Variants in MNAT1 observed in about 807,000 individuals in gnomAD.
MNAT1 encodes the protein CDK-activating kinase assembly factor MAT1.
In MNAT1, 43 loss-of-function variants were observed where a neutral mutation model predicts 42.0. The ratio of observed to expected loss-of-function variants is 1.02; its 90% confidence interval spans 0.80 to 1.32. The LOEUF is 1.32. MNAT1 is among the 40% of genes most tolerant of loss of function. The pLI, the probability that MNAT1 is intolerant of heterozygous loss-of-function variation, is 0.00. For synonymous variants in MNAT1, 118 were observed against 120.0 expected, an observed-to-expected ratio of 0.98 and a Z score of 0.11; for missense variants, 306 against 350.4, an observed-to-expected ratio of 0.87 and a Z score of 1.01.
At position 60,961,087 on chromosome 14, in the gene MNAT1, C is replaced by T. The variant is rs1195423728; in HGVS notation, c.810-7142C>T. 2.6e-5 allele frequency among the ~76,000 whole-genome samples: 4 copies of T among 152,106 alleles called. 1 individual carries two copies. Among genetic ancestry groups the T allele is most frequent in the South Asian group, 4.1e-4 (2 of 4,828 alleles). On this transcript the variant is annotated intron_variant, in intron 7 of 7. Coordinates refer to ENST00000261245, the MANE Select transcript of MNAT1 (RefSeq NM_002431.4). Reference sequence around the variant, plus strand: ...AAGTGATTCTCCTGCCTCAGCCTCCCGAGTAGCTGAGATTACAGGCATGCG... The same window carrying T: ...AAGTGATTCTCCTGCCTCAGCCTCCTGAGTAGCTGAGATTACAGGCATGCG...
intron 7 of MNAT1, among the ~76,000 whole-genome samples, chr14:60,889,562 C>A (rs2034781004): frequency 6.6e-6 from 1 of 152,062 alleles, no homozygotes; most frequent in Non-Finnish European, 1.5e-5. Context: ...ATGTCTAAAA[C>A]ACCAAAAAAA....
At chr14:60,779,028 G>A (rs2031350971) in intron 1 of MNAT1, among the ~76,000 whole-genome samples, 1 of 152,174 alleles carries the variant, frequency 6.6e-6, no homozygotes, top group African/African-American at 2.4e-5. Context: ...CTAGGGAACA[G>A]ACACAATGAG....
At chr14:60,875,576 GA>G (rs1250756131) in intron 6 of MNAT1, among the ~76,000 whole-genome samples, 1 of 152,028 alleles carries the variant, frequency 6.6e-6, no homozygotes, top group Non-Finnish European at 1.5e-5. Context: ...AACGTTTCAT[GA>G]AATTATTGTG....
chr14:60,777,048 C>T (rs2031279475), intron 1 of MNAT1, among the ~76,000 whole-genome samples: 1 of 152,062 alleles, frequency 6.6e-6, no homozygotes, highest in Non-Finnish European at 1.5e-5. Flanking sequence ...CAAGGTTTCG[C>T]CATGTTGCCC....
intron 6 of MNAT1, among the ~76,000 whole-genome samples, chr14:60,827,917 C>G (rs778568180): frequency 3.9e-5 from 6 of 152,010 alleles, no homozygotes; most frequent in Non-Finnish European, 2.9e-5. Flanking sequence ...ACATGGATAT[C>G]CCTGAAGAGT....
intron 6 of MNAT1, among the ~76,000 whole-genome samples, chr14:60,840,364 A>T (rs2033512731): frequency 6.6e-6 from 1 of 152,260 alleles, no homozygotes; most frequent in Non-Finnish European, 1.5e-5. Context: ...AAAGCATCTC[A>T]TACTACAGTG....
At chr14:60,881,007 G>T (rs779660992) in intron 7 of MNAT1, among the ~76,000 whole-genome samples, 1 of 152,172 alleles carries the variant, frequency 6.6e-6, no homozygotes, top group African/African-American at 2.4e-5. Flanking sequence ...CCAGAATCGT[G>T]TATCTTTAAA....
chr14:60,813,501 T>G (rs1013250303), intron 5 of MNAT1, among the ~76,000 whole-genome samples: 3 of 152,038 alleles, frequency 2.0e-5, no homozygotes, highest in Non-Finnish European at 2.9e-5. Flanking sequence ...AATAAGGAGG[T>G]AGAAGATGCT....
At chr14:60,756,827 A>T (rs1421910670) in intron 1 of MNAT1, among the ~76,000 whole-genome samples, 5 of 152,210 alleles carry the variant, frequency 3.3e-5, no homozygotes, top group Non-Finnish European at 7.3e-5. Flanking sequence ...TAAAATGTAT[A>T]AATGCCCTTG....
intron 1 of MNAT1, among the ~76,000 whole-genome samples, chr14:60,751,838 G>A (rs896469756): frequency 6.6e-6 from 1 of 151,656 alleles, no homozygotes; most frequent in African/African-American, 2.4e-5. Context: ...ACACAAATAT[G>A]ATAGTGGTTA....
rs151055202 is a variant in MNAT1, at chr14:60,821,971, T to G, written c.687+3124T>G. ...TACAGCCAAAATAAAAAAATTGTTT[T>G]TATAGATATATCTAAATTTCCATCA... On this transcript the variant is annotated intron_variant, in intron 6 of 7. Transcript: ENST00000261245. Among the ~76,000 whole-genome samples, 213 of 152,356 alleles carry G rather than the reference T, an allele frequency of 1.4e-3. 3 individuals carry two copies. The East Asian group carries it at 0.038, about 27-fold the overall frequency.
chr14:60,817,468 T>C (rs552478511), intron 5 of MNAT1, among the ~76,000 whole-genome samples: 6 of 152,154 alleles, frequency 3.9e-5, no homozygotes, highest in African/African-American at 1.4e-4. Context: ...CCATTTACTA[T>C]TAAAAGTTTT....
At chr14:60,943,918 C>T (rs1344862392) in intron 7 of MNAT1, among the ~76,000 whole-genome samples, 1 of 152,146 alleles carries the variant, frequency 6.6e-6, no homozygotes, top group Non-Finnish European at 1.5e-5. Context: ...CTAAAAGTAG[C>T]TGCATTATCA....
intron 3 of MNAT1, 129 bp downstream of exon 3, chr14:60,798,289 A>G (rs909307668): frequency 3.9e-6 from 2 of 511,542 alleles, no homozygotes; most frequent in African/African-American, 3.8e-5. Flanking sequence ...TTACCTAATT[A>G]CTTTCTTTTG....
At chr14:60,927,706 C>G (rs1368472349) in intron 7 of MNAT1, among the ~76,000 whole-genome samples, 1 of 152,162 alleles carries the variant, frequency 6.6e-6, no homozygotes, top group Non-Finnish European at 1.5e-5. Context: ...CGACCACCTT[C>G]TTTCTGTTTC....
intron 6 of MNAT1, among the ~76,000 whole-genome samples, chr14:60,851,282 C>CT (rs1037745574): frequency 7.9e-5 from 12 of 152,274 alleles, no homozygotes; most frequent in African/African-American, 2.9e-4. Context: ...ATTTGTACTT[C>CT]TTTGTACTAC....
intron 7 of MNAT1, among the ~76,000 whole-genome samples, chr14:60,907,639 G>A (rs534240816): frequency 6.6e-6 from 1 of 151,550 alleles, no homozygotes; most frequent in Admixed American, 6.6e-5. Context: ...AAAATTAGCA[G>A]GGCATGGTGG....
intron 1 of MNAT1, among the ~76,000 whole-genome samples, chr14:60,735,313 T>C (rs1460921566): frequency 1.3e-5 from 2 of 152,146 alleles, no homozygotes; most frequent in Admixed American, 6.6e-5. Flanking sequence ...AATGTTTTTA[T>C]TGAAAAAGTG....
At chr14:60,887,380 C>A (rs2034702756) in intron 7 of MNAT1, among the ~76,000 whole-genome samples, 1 of 97,394 alleles carries the variant, frequency 1.0e-5, no homozygotes, top group South Asian at 4.5e-4. Context: ...CTAATGCTAT[C>A]CCTCCCCCCT....
Sources: allele counts gnomAD v4.1 joint callset (sites outside exome capture counted in the v4.1 genomes callset), GRCh38; gene constraint gnomAD v4.1.1; transcripts MANE v1.5; gene names NCBI Gene and HGNC (gene_info 2026-07-23, HGNC 2026-07-21).